Variants in ATG4A observed in about 807,000 individuals in gnomAD.
ATG4A encodes the protein autophagy related 4A cysteine peptidase, also known as cysteine protease ATG4A.
A neutral mutation model predicts 38.4 loss-of-function variants in ATG4A; 22 were observed. The ratio of observed to expected loss-of-function variants is 0.57; its 90% CI spans 0.41 to 0.82. ATG4A has a LOEUF of 0.82. ATG4A is among the 40% of genes least tolerant of loss of function. The pLI is 0.00. For synonymous variants in ATG4A, 86 were observed against 100.7 expected (o/e 0.85, Z 0.88); for missense variants, 220 against 290.0 (o/e 0.76, Z 1.75).
intron 1 of ATG4A, among the ~76,000 whole-genome samples, chrX:108,113,588 A>G (rs1367968028): frequency 1.8e-5 from 2 of 111,460 alleles, no homozygotes; most frequent in African/African-American, 6.5e-5. Flanking sequence ...CATGCTGCTG[A>G]TAAAGACATA....
chrX:108,091,484 G>A (rs1422204248), upstream of ATG4A: 35 of 1,211,276 alleles, frequency 2.9e-5, no homozygotes, highest in Non-Finnish European at 3.8e-5. Flanking sequence ...CTGTAGGCCA[G>A]GTTGCAGACC....
At chrX:108,094,366 A>G (rs1370109944) in intron 1 of ATG4A, among the ~76,000 whole-genome samples, 3 of 110,679 alleles carry the variant, frequency 2.7e-5, no homozygotes, top group Non-Finnish European at 3.8e-5. Context: ...CTATGTCACA[A>G]CTAATAAGCC....
intron 1 of ATG4A, among the ~76,000 whole-genome samples, chrX:108,108,806 C>T (rs2032267930): frequency 8.9e-6 from 1 of 111,896 alleles, no homozygotes; most frequent in Non-Finnish European, 1.9e-5. Context: ...CTTCTAATTT[C>T]TCTTTCTATG....
intron 9 of ATG4A, among the ~76,000 whole-genome samples, chrX:108,145,829 T>C (rs2033408818): frequency 8.9e-6 from 1 of 112,233 alleles, no homozygotes; most frequent in Admixed American, 9.4e-5. Context: ...AATTATGCAT[T>C]CTGGCACTGG....
At chrX:108,134,006 G>T in intron 4 of ATG4A, 51 bp from the exon 5 acceptor site, 1 of 966,378 alleles carries the variant, frequency 1.0e-6, no homozygotes, top group Admixed American at 3.2e-5. Context: ...AGTGCAGAGA[G>T]GAATAAACAG....
chrX:108,125,487 G>A (rs1328100787), intron 1 of ATG4A, among the ~76,000 whole-genome samples: 2 of 112,395 alleles, frequency 1.8e-5, no homozygotes, highest in Non-Finnish European at 3.8e-5. Context: ...TGAATTCCAA[G>A]AACAAGTTAT....
At chrX:108,118,571 C>G (rs991650118) in intron 1 of ATG4A, among the ~76,000 whole-genome samples, 1 of 111,383 alleles carries the variant, frequency 9.0e-6, no homozygotes, top group Non-Finnish European at 1.9e-5. Flanking sequence ...ATAGCTTTAC[C>G]AAGAGTTGGA....
upstream of ATG4A, chrX:108,091,361 G>T: frequency 8.7e-7 from 1 of 1,147,210 alleles, no homozygotes; most frequent in Non-Finnish European, 1.2e-6. Flanking sequence ...GCCACGTAGG[G>T]CTTCGCCGAC....
chrX:108,146,378 G>A (rs773570428), intron 9 of ATG4A, among the ~76,000 whole-genome samples: 1 of 111,819 alleles, frequency 8.9e-6, no homozygotes, highest in East Asian at 2.8e-4. Flanking sequence ...CTCTACACGA[G>A]TCAGACTATT....
chrX:108,125,220 G>A (rs1274549377), intron 1 of ATG4A, among the ~76,000 whole-genome samples: 1 of 110,139 alleles, frequency 9.1e-6, no homozygotes, highest in Non-Finnish European at 1.9e-5. Flanking sequence ...TCTGATCATG[G>A]CTTAGTCTTT....
Position 108,151,839 on chromosome X carries a change from G to T in ATG4A, c.998G>T (p.Trp333Leu), listed in dbSNP as rs142896401. 1.0e-5 allele frequency: 12 copies of T among 1,205,015 alleles called. No homozygotes were observed. In the African/African-American group the frequency reaches 1.9e-4, roughly 19 times the overall value. ...FCKEEKDFDN[W>L]CSLVQKEILK... ...AAAGAAGAAAAAGACTTTGATAACT[G>T]GTGTAGCCTTGTTCAGAAGGTAAAG... Residue 333 changes from tryptophan (W) to leucine (L), a missense_variant, in exon 11 of 13, where the codon TGG (tryptophan) becomes TTG (leucine). Coordinates refer to ENST00000372232, the MANE Select transcript of ATG4A (RefSeq NM_052936.5).
At chrX:108,124,596 C>A (rs1427115655) in intron 1 of ATG4A, among the ~76,000 whole-genome samples, 1 of 110,551 alleles carries the variant, frequency 9.0e-6, no homozygotes, top group Non-Finnish European at 1.9e-5. Context: ...GGACTACAGG[C>A]ATGCACCACC....
intron 1 of ATG4A, among the ~76,000 whole-genome samples, chrX:108,103,890 A>C (rs978360474): frequency 8.9e-6 from 1 of 112,151 alleles, no homozygotes; most frequent in African/African-American, 3.2e-5. Context: ...CTTGTTGCAT[A>C]GGCTGGAGTG....
intron 9 of ATG4A, among the ~76,000 whole-genome samples, chrX:108,140,379 T>G (rs2033205067): frequency 9.0e-6 from 1 of 110,792 alleles, no homozygotes; most frequent in Non-Finnish European, 1.9e-5. Flanking sequence ...TTGAGGGCTT[T>G]AAGTCCCTCT....
chrX:108,111,748 T>G (rs951076445), intron 1 of ATG4A, among the ~76,000 whole-genome samples: 5 of 112,274 alleles, frequency 4.5e-5, no homozygotes, highest in Non-Finnish European at 9.4e-5. Flanking sequence ...TGACTCTTTC[T>G]GGGAAAAGGG....
intron 1 of ATG4A, among the ~76,000 whole-genome samples, chrX:108,124,235 A>G (rs1289669482): frequency 1.8e-5 from 2 of 111,879 alleles, no homozygotes; most frequent in Non-Finnish European, 3.8e-5. Flanking sequence ...CTAAGATGGC[A>G]CAGGCTCCCT....
At chrX:108,129,171 G>A in intron 3 of ATG4A, among the ~76,000 whole-genome samples, 1 of 112,460 alleles carries the variant, frequency 8.9e-6, no homozygotes, top group South Asian at 3.7e-4. Context: ...TATAATATCT[G>A]TTAAATTACA....
chrX:108,103,776 C>T (rs755644495), intron 1 of ATG4A, among the ~76,000 whole-genome samples: 1 of 112,677 alleles, frequency 8.9e-6, no homozygotes, highest in African/African-American at 3.2e-5. Context: ...CCACCCCACA[C>T]TTTATGTTAT....
At position 108,138,171 on chromosome X, in the gene ATG4A, A is replaced by T. The variant is rs2033153520; in HGVS notation, c.794A>T (p.Tyr265Phe). ...GALGGKPNNA[Y>F]YFIGFLGDEL... is the part of the protein sequence containing the mutation. ...TTAGGAGGAAAACCAAATAACGCGT[A>T]TTATTTCATAGGATTCTTAGGTAAG... Residue 265 changes from tyrosine (Y) to phenylalanine (F), a missense_variant, in exon 9 of 13, where the codon TAT becomes TTT. Tyr to Phe is a conservative substitution (Grantham distance 22). Coordinates refer to ENST00000372232, the MANE Select transcript of ATG4A (RefSeq NM_052936.5). 1 of 1,207,428 alleles carries T rather than the reference A, an allele frequency of 8.3e-7. No individual in the cohort carries two copies.
Sources: allele counts gnomAD v4.1 joint callset (sites outside exome capture counted in the v4.1 genomes callset), GRCh38; gene constraint gnomAD v4.1.1; transcripts MANE v1.5; gene names NCBI Gene and HGNC (gene_info 2026-07-23, HGNC 2026-07-21).